Variants in ADARB2 observed in about 807,000 individuals in gnomAD.
ADARB2 encodes adenosine deaminase RNA specific B2 (inactive).
In ADARB2, 25 loss-of-function variants were observed where a neutral mutation model predicts 62.2. That is an observed-to-expected ratio of 0.40 (90% CI 0.29 to 0.56). The LOEUF is 0.56. Ranked by LOEUF, ADARB2 falls within the 20% of genes least tolerant of loss-of-function variation. The pLI is 0.43. For missense variants in ADARB2, 1,071 were observed against 1,077.4 expected, an observed-to-expected ratio of 0.99 and a Z score of 0.08; for synonymous variants, 572 against 500.8, an observed-to-expected ratio of 1.14 and a Z score of -1.90.
chr10:1,581,826 A>ATGTGTGTGTG (rs56180704), intron 1 of ADARB2, among the ~76,000 whole-genome samples: 8 of 148,392 alleles, frequency 5.4e-5, no homozygotes, highest in Admixed American at 2.7e-4. Flanking sequence ...TTAGAAATAG[A>ATGTGTGTGTG]TGTGTGTGTG....
At chr10:1,485,376 TAATA>T (rs1181304496) in intron 1 of ADARB2, among the ~76,000 whole-genome samples, 2 of 152,098 alleles carry the variant, frequency 1.3e-5, no homozygotes, top group African/African-American at 4.8e-5. Flanking sequence ...GTAAGTGCAC[TAATA>T]GATAGATCTC....
chr10:1,368,217 A>G lies in ADARB2; in HGVS notation c.188-4300T>C, dbSNP rs573246973. On this transcript the variant is annotated intron_variant, in intron 2 of 9. Transcript: ENST00000381312. Reference sequence around the variant, plus strand: ...CCTGGGCAAGTCACTCAGTCTGGCCAACTGATTTTTTAAGGCAGAAAATGA... The same window carrying G: ...CCTGGGCAAGTCACTCAGTCTGGCCGACTGATTTTTTAAGGCAGAAAATGA... Among the ~76,000 whole-genome samples, 7 of 146,882 alleles carry G rather than the reference A, an allele frequency of 4.8e-5. No individual in the cohort carries two copies. The South Asian group carries it at 1.5e-3, about 31-fold the overall frequency.
intron 1 of ADARB2, among the ~76,000 whole-genome samples, chr10:1,492,449 G>A (rs1452160147): frequency 1.3e-5 from 2 of 152,154 alleles, no homozygotes; most frequent in Non-Finnish European, 2.9e-5. Flanking sequence ...TGACGCTAAG[G>A]CAGAGATTGA....
intron 7 of ADARB2, among the ~76,000 whole-genome samples, chr10:1,209,628 CCCACAT>C (rs1426035723): frequency 7.2e-5 from 11 of 151,868 alleles, no homozygotes; most frequent in African/African-American, 2.4e-4. Context: ...ATCACCCACA[CCCACAT>C]CCACACTCAT....
At chr10:1,196,225 T>C (rs1418863718) in intron 8 of ADARB2, among the ~76,000 whole-genome samples, 5 of 143,784 alleles carry the variant, frequency 3.5e-5, no homozygotes, top group Non-Finnish European at 7.5e-5. Flanking sequence ...TTTTTTTTTT[T>C]GACAAAGCAC....
At chr10:1,502,287 T>A (rs1831776572) in intron 1 of ADARB2, among the ~76,000 whole-genome samples, 1 of 152,226 alleles carries the variant, frequency 6.6e-6, no homozygotes, top group Non-Finnish European at 1.5e-5. Context: ...TGAAGACCCC[T>A]TACTTCCTGG....
Position 1,214,358 on chromosome 10 carries a change from C to T in ADARB2, c.1682+2593G>A, listed in dbSNP as rs879330566. ...CACCTGTGCCTGGACCTGCCGGCGT[C>T]GCATGGGTTTGCACCTGTGCCTGGA... is the stretch of plus-strand genomic sequence containing the variant. On this transcript the variant is annotated intron_variant, in intron 7 of 9. Coordinates refer to ENST00000381312, the MANE Select transcript of ADARB2 (RefSeq NM_018702.4). Among the ~76,000 whole-genome samples the T allele has an allele frequency of 1.9e-3, 192 of 99,508 alleles. 1 individual carries two copies. The highest frequency in any genetic ancestry group is 3.2e-3 in the Non-Finnish European group (156 of 48,498). 65.3% of individuals were successfully genotyped at this position (99,508 alleles called of 152,430 possible).
intron 7 of ADARB2, among the ~76,000 whole-genome samples, chr10:1,209,585 A>C (rs1837121235): frequency 6.9e-6 from 1 of 144,962 alleles, no homozygotes; most frequent in Non-Finnish European, 1.5e-5. Context: ...CCACACTCTC[A>C]CCATCACCCA....
chr10:1,472,382 G>A (rs750481753), intron 1 of ADARB2, among the ~76,000 whole-genome samples: 10 of 151,884 alleles, frequency 6.6e-5, no homozygotes, highest in Non-Finnish European at 4.4e-5. Flanking sequence ...CGAGGGCCAC[G>A]CGGCTCAGGG....
intron 1 of ADARB2, among the ~76,000 whole-genome samples, chr10:1,492,646 C>T (rs948200274): frequency 3.3e-5 from 5 of 152,104 alleles, no homozygotes; most frequent in African/African-American, 1.2e-4. Context: ...CACCTGTCTA[C>T]AGGTGCAGCA....
intron 3 of ADARB2, among the ~76,000 whole-genome samples, chr10:1,340,023 G>A (rs1019373478): frequency 6.6e-6 from 1 of 152,096 alleles, no homozygotes; most frequent in Non-Finnish European, 1.5e-5. Flanking sequence ...TGTATGCTGT[G>A]GCCCCAGACA....
intron 1 of ADARB2, among the ~76,000 whole-genome samples, chr10:1,536,432 G>A (rs1322790724): frequency 1.3e-5 from 2 of 152,148 alleles, no homozygotes; most frequent in Admixed American, 1.3e-4. Flanking sequence ...CAGCTGAGTG[G>A]GCTAAGACAC....
chr10:1,514,139 C>T (rs937283754), intron 1 of ADARB2, among the ~76,000 whole-genome samples: 2 of 129,984 alleles, frequency 1.5e-5, no homozygotes, highest in African/African-American at 5.5e-5. Flanking sequence ...TAGCTCTCTG[C>T]ACTCCAGAGT....
chr10:1,497,931 A>G (rs1831713389), intron 1 of ADARB2, among the ~76,000 whole-genome samples: 2 of 152,120 alleles, frequency 1.3e-5, no homozygotes, highest in Admixed American at 1.3e-4. Context: ...GGGATGGGAG[A>G]GAATAACTCA....
At chr10:1,369,787 T>C (rs4880501) in intron 2 of ADARB2, among the ~76,000 whole-genome samples, 126,277 of 152,216 alleles carry the variant, frequency 0.83, 56,515 homozygotes, top group Non-Finnish European at 0.98. Context: ...CTCTGATCCC[T>C]AGAGCAGGCA....
intron 1 of ADARB2, among the ~76,000 whole-genome samples, chr10:1,436,115 C>CTG (rs145958092): frequency 7.9e-5 from 12 of 151,616 alleles, no homozygotes; most frequent in African/African-American, 2.7e-4. Flanking sequence ...TCTTGCGAGG[C>CTG]TGTGTGTGTG....
At chr10:1,357,611 A>C (rs1396620064) in intron 3 of ADARB2, among the ~76,000 whole-genome samples, 1 of 152,228 alleles carries the variant, frequency 6.6e-6, no homozygotes, top group Non-Finnish European at 1.5e-5. Context: ...GCAGACCCCA[A>C]GCAAATGTCT....
chr10:1,390,114 TAAAAC>T (rs1385513369), intron 1 of ADARB2, among the ~76,000 whole-genome samples: 3 of 152,202 alleles, frequency 2.0e-5, no homozygotes, highest in South Asian at 2.1e-4. Flanking sequence ...TACTCTTCAG[TAAAAC>T]AAAACAAAAT....
intron 1 of ADARB2, among the ~76,000 whole-genome samples, chr10:1,569,218 G>A (rs146716011): frequency 1.6e-3 from 248 of 151,962 alleles, no homozygotes; most frequent in African/African-American, 5.5e-3. Flanking sequence ...CAGAGAGAGA[G>A]ACAGTGACCA....
Sources: allele counts gnomAD v4.1 joint callset (sites outside exome capture counted in the v4.1 genomes callset), GRCh38; gene constraint gnomAD v4.1.1; transcripts MANE v1.5; gene names NCBI Gene and HGNC (gene_info 2026-07-23, HGNC 2026-07-21).